JAKMIP2: variants seen among roughly 807,000 people sequenced by gnomAD.
JAKMIP2 encodes the protein janus kinase and microtubule interacting protein 2.
A neutral mutation model predicts 115.0 loss-of-function variants in JAKMIP2; 25 were observed. The ratio of observed to expected loss-of-function variants is 0.22; its 90% confidence interval spans 0.16 to 0.30. The LOEUF (loss-of-function observed/expected upper bound fraction) is 0.30. JAKMIP2 is among the 10% of genes least tolerant of loss of function. The probability of loss-of-function intolerance (pLI) is 1.00; values close to 1 mark genes in which losing one functional copy is unlikely to be tolerated. For synonymous variants in JAKMIP2, 334 were observed against 343.6 expected, an observed-to-expected ratio of 0.97 and a Z score of 0.31; for missense variants, 642 against 957.6, an observed-to-expected ratio of 0.67 and a Z score of 4.35.
intron 1 of JAKMIP2, among the ~76,000 whole-genome samples, chr5:147,748,885 G>C (rs2127015624): frequency 6.6e-6 from 1 of 152,274 alleles, no homozygotes; most frequent in Middle Eastern, 3.4e-3. Flanking sequence ...TGAACCAGAA[G>C]ACCTGCTTGG....
Position 147,617,947 on chromosome 5 carries a change from A to G in JAKMIP2, c.2310T>C (p.Leu770=). ...GCTGTAAGAGCTCCATTCTCTCCTG[A>G]AGAATCTGACAGTCATACTCTCTGC... The part of the protein sequence containing the change: ...RKSREYDCQI[L]QERMELLQQA... Residue 770 remains leucine, a synonymous_variant, in exon 19 of 22, where the codon CTT becomes CTC. Transcript: ENST00000616793. 2 of 1,614,120 alleles carry G rather than the reference A, an allele frequency of 1.2e-6. No homozygotes were observed. Among genetic ancestry groups the G allele is most frequent in the Non-Finnish European group, 1.7e-6 (2 of 1,180,018 alleles).
Position 147,714,099 on chromosome 5 carries a change from C to CA in JAKMIP2, c.-148-42146dup, listed in dbSNP as rs150130205. On this transcript the variant is annotated intron_variant, in intron 1 of 21. Coordinates refer to ENST00000616793, the MANE Select transcript of JAKMIP2 (RefSeq NM_001270941.2). ...TCACACACAATAAAAGGTAACCAAA[C>CA]ACATGAGGAGATGAGACAGCATGAG... 4.9e-3 allele frequency among the ~76,000 whole-genome samples: 747 copies of CA among 152,178 alleles called. 15 individuals carry two copies. The highest frequency in any genetic ancestry group is 0.015 in the African/African-American group (636 of 41,524).
intron 14 of JAKMIP2, 87 bp from the exon 15 acceptor site, chr5:147,629,833 T>C (rs1757275830): frequency 9.9e-7 from 1 of 1,006,908 alleles, no homozygotes; most frequent in Non-Finnish European, 1.5e-6. Context: ...AGGAAGACAT[T>C]TTAGGGCCTG....
chr5:147,760,173 C>T (rs183657129), intron 1 of JAKMIP2, among the ~76,000 whole-genome samples: 64 of 152,092 alleles, frequency 4.2e-4, no homozygotes, highest in African/African-American at 1.5e-3. Context: ...CTGTGAAGAT[C>T]GAAAGACTTG....
At chr5:147,684,533 A>G (rs1429379347) in intron 1 of JAKMIP2, among the ~76,000 whole-genome samples, 3 of 152,226 alleles carry the variant, frequency 2.0e-5, no homozygotes, top group Non-Finnish European at 4.4e-5. Context: ...GAAAGTTAAA[A>G]AGGTAGGACA....
intron 1 of JAKMIP2, among the ~76,000 whole-genome samples, chr5:147,717,370 C>A (rs1403739348): frequency 1.7e-4 from 25 of 146,244 alleles, no homozygotes; most frequent in Admixed American, 4.8e-4. Flanking sequence ...TAGTTTTTTC[C>A]AATTCTGTGA....
Position 147,590,196 on chromosome 5 carries a change from T to C in JAKMIP2, c.*1511A>G, listed in dbSNP as rs149955264. 1 of 152,208 alleles carries C rather than the reference T, an allele frequency of 6.6e-6. No homozygotes were observed. The highest frequency in any genetic ancestry group is 1.5e-5 in the Non-Finnish European group (1 of 68,018). The allele number at this position is 152,208 out of a possible 1,614,324, so 9.4% of individuals were successfully genotyped here. On this transcript the variant is annotated 3_prime_UTR_variant, in exon 22 of 22. Coordinates refer to ENST00000616793, the MANE Select transcript of JAKMIP2 (RefSeq NM_001270941.2). ...GAACCCACATATGGAAAGATTTGTA[T>C]AGCATTTCATAGAAAGAGTTTCTGG...
chr5:147,701,104 A>T (rs568133597), intron 1 of JAKMIP2, among the ~76,000 whole-genome samples: 1 of 152,320 alleles, frequency 6.6e-6, no homozygotes, highest in East Asian at 1.9e-4. Context: ...GCTGAAGACC[A>T]ATGCCATAAA....
intron 7 of JAKMIP2, among the ~76,000 whole-genome samples, chr5:147,643,674 G>C (rs1381525472): frequency 6.6e-6 from 1 of 152,062 alleles, no homozygotes; most frequent in Non-Finnish European, 1.5e-5. Flanking sequence ...TTGAGACCTG[G>C]GAAACAAGGT....
intron 1 of JAKMIP2, among the ~76,000 whole-genome samples, chr5:147,708,337 C>A (rs1002427387): frequency 1.3e-5 from 2 of 152,102 alleles, no homozygotes; most frequent in African/African-American, 4.8e-5. Flanking sequence ...AACCACACAG[C>A]AATTAGGTTC....
At chr5:147,744,041 T>C (rs1056890039) in intron 1 of JAKMIP2, among the ~76,000 whole-genome samples, 1 of 147,552 alleles carries the variant, frequency 6.8e-6, no homozygotes, top group Non-Finnish European at 1.5e-5. Context: ...CTTCCTTCCT[T>C]CCTTCCTTCC....
intron 1 of JAKMIP2, among the ~76,000 whole-genome samples, chr5:147,772,024 G>C (rs1019667873): frequency 2.0e-5 from 3 of 152,008 alleles, no homozygotes; most frequent in African/African-American, 7.2e-5. Context: ...CATGTGAATG[G>C]AAAGATCTGA....
At chr5:147,757,431 C>T (rs770303197) in intron 1 of JAKMIP2, among the ~76,000 whole-genome samples, 8 of 152,120 alleles carry the variant, frequency 5.3e-5, no homozygotes, top group Non-Finnish European at 1.2e-4. Context: ...TTATAAATAT[C>T]TATAAAAAGA....
chr5:147,766,251 A>G (rs922230310), intron 1 of JAKMIP2, among the ~76,000 whole-genome samples: 1 of 152,198 alleles, frequency 6.6e-6, no homozygotes, highest in Non-Finnish European at 1.5e-5. Context: ...CTTTGGATTC[A>G]GAAGAGGATT....
intron 2 of JAKMIP2, among the ~76,000 whole-genome samples, chr5:147,664,929 A>C (rs1030769812): frequency 6.6e-5 from 10 of 152,316 alleles, no homozygotes; most frequent in African/African-American, 2.4e-4. Flanking sequence ...TAGAGAATAC[A>C]GGCTTGCAGG....
In JAKMIP2 at chr5:147,640,772, C is replaced by A; in HGVS notation, c.1333G>T (p.Glu445Ter). ...IGYDEDSMDS[E>*]TSSMASFRTD... ...CTAAATGAGGCCATGGATGATGTCT[C>A]TGAATCCATAGAGTCCTCATCATAG... is the stretch of plus-strand genomic sequence containing the variant. The change falls in exon 9 of 22, where the codon GAG (glutamate) becomes TAG (stop). Residue 445 changes from glutamate to a stop codon, truncating the protein, a stop_gained. Transcript: ENST00000616793. LOFTEE classifies it high-confidence loss of function. 6.2e-7 allele frequency: 1 copy of A among 1,613,564 alleles called. No homozygotes were observed. The highest frequency in any genetic ancestry group is 8.5e-7 in the Non-Finnish European group (1 of 1,179,656).
At chr5:147,685,709 T>G (rs2126845354) in intron 1 of JAKMIP2, among the ~76,000 whole-genome samples, 1 of 152,290 alleles carries the variant, frequency 6.6e-6, no homozygotes, top group Non-Finnish European at 1.5e-5. Context: ...TTTATAGAAA[T>G]AAACTTCAAC....
chr5:147,769,051 T>A lies in JAKMIP2; in HGVS notation c.-149+13405A>T, dbSNP rs74864412. Among the ~76,000 whole-genome samples, 306 of 152,220 alleles carry A rather than the reference T, an allele frequency of 2.0e-3. 6 individuals carry two copies. The East Asian group carries it at 0.053, about 26-fold the overall frequency. ...TTAACATTTCTCTGTCTTAGTTTCC[T>A]CAAATACAGAAGTTAAAGGGGAGTA... On this transcript the variant is annotated intron_variant, in intron 1 of 21. Coordinates refer to ENST00000616793, the MANE Select transcript of JAKMIP2 (RefSeq NM_001270941.2).
chr5:147,695,504 G>A (rs1194788116), intron 1 of JAKMIP2, among the ~76,000 whole-genome samples: 1 of 152,126 alleles, frequency 6.6e-6, no homozygotes, highest in Non-Finnish European at 1.5e-5. Flanking sequence ...GGGCATTATT[G>A]AATGGCAATG....
Sources: allele counts gnomAD v4.1 joint callset (sites outside exome capture counted in the v4.1 genomes callset), GRCh38; gene constraint gnomAD v4.1.1; transcripts MANE v1.5; gene names NCBI Gene and HGNC (gene_info 2026-07-23, HGNC 2026-07-21).